The following CILK1 variants were observed in gnomAD, a reference collection of about 807,000 sequenced individuals.
CILK1 encodes the protein serine/threonine-protein kinase ICK.
In CILK1, 47 loss-of-function variants were observed where a neutral mutation model predicts 79.2. That is an observed-to-expected ratio of 0.59 (90% CI 0.47 to 0.76). The LOEUF (loss-of-function observed/expected upper bound fraction) is 0.76. Ranked by LOEUF, CILK1 falls within the 30% of genes least tolerant of loss-of-function variation. CILK1 has a pLI of 0.00. For missense variants in CILK1, 660 were observed against 769.5 expected (o/e 0.86, Z 1.68); for synonymous variants, 266 against 275.9 (o/e 0.96, Z 0.36).
intron 11 of CILK1, 126 bp downstream of exon 11, chr6:53,011,643 T>G: frequency 1.1e-6 from 1 of 923,170 alleles, no homozygotes; most frequent in Non-Finnish European, 1.8e-6. Flanking sequence ...TTCTATGATG[T>G]TCCCCTCAGT....
intron 1 of CILK1, among the ~76,000 whole-genome samples, chr6:53,056,295 C>A (rs573738668): frequency 6.6e-6 from 1 of 152,142 alleles, no homozygotes; most frequent in Non-Finnish European, 1.5e-5. Context: ...GAAGTAAAGG[C>A]TTAATGTAAA....
At position 53,019,240 on chromosome 6, in the gene CILK1, C is replaced by T. The variant is rs1282719495; in HGVS notation, c.478G>A (p.Val160Ile). Residue 160 changes from valine to isoleucine, a missense_variant, in exon 6 of 14, where the codon GTA becomes ATA. By Grantham distance (29) the Val-to-Ile change is conservative. Coordinates refer to ENST00000676107, the MANE Select transcript of CILK1 (RefSeq NM_014920.5). ...IRSKPPYTDY[V>I]STRWYRAPEV... ...AATGGTATTCACCATCTGGTAGATA[C>T]ATAATCTGTATATGGAGGTTTTGAT... is the stretch of plus-strand genomic sequence containing the variant. 3 of 1,613,708 alleles carry T rather than the reference C, an allele frequency of 1.9e-6. No homozygotes were observed. In the African/African-American group the frequency reaches 4.0e-5, roughly 22 times the overall value.
chr6:53,026,466 A>C (rs1765588638), intron 5 of CILK1, among the ~76,000 whole-genome samples: 1 of 152,172 alleles, frequency 6.6e-6, no homozygotes, highest in Non-Finnish European at 1.5e-5. Flanking sequence ...CTTTTTGAGC[A>C]GTGCTTGCAC....
At chr6:53,013,538 G>C in intron 9 of CILK1, 124 bp downstream of exon 9, 1 of 921,480 alleles carries the variant, frequency 1.1e-6, no homozygotes, top group East Asian at 2.4e-5. Context: ...ATTCCATGCT[G>C]TTGCAAACAT....
chr6:53,031,901 T>G (rs922246752), intron 4 of CILK1, among the ~76,000 whole-genome samples: 1 of 152,204 alleles, frequency 6.6e-6, no homozygotes, highest in Non-Finnish European at 1.5e-5. Context: ...TGGTGCGATG[T>G]CCGCTCACCC....
chr6:53,042,314 C>G (rs983846936), intron 1 of CILK1, among the ~76,000 whole-genome samples: 1 of 152,198 alleles, frequency 6.6e-6, no homozygotes, highest in Non-Finnish European at 1.5e-5. Flanking sequence ...ACTAACCATT[C>G]TGGGCAAACA....
intron 1 of CILK1, among the ~76,000 whole-genome samples, chr6:53,049,331 T>C (rs1027636356): frequency 6.6e-6 from 1 of 152,238 alleles, no homozygotes; most frequent in Admixed American, 6.5e-5. Context: ...ATGGTTAGCA[T>C]AGTTTTGAAG....
rs1344151929 is a variant in CILK1, at chr6:53,009,500, A to C, written c.1560T>G (p.Ser520=). The change falls in exon 12 of 14, where the codon TCT becomes TCG. Residue 520 remains serine, a synonymous_variant. Transcript: ENST00000676107. The part of the protein sequence containing the change: ...GKEFIPPNPW[S]SSGLSGKSSG... The stretch of plus-strand genomic sequence containing the variant: ...AAGATTTTCCAGACAAGCCAGAACT[A>C]GACCATGGATTAGGTGGAATAAATT... The C allele has an allele frequency of 1.9e-6, 3 of 1,612,866 alleles. No homozygotes were observed. The highest frequency in any genetic ancestry group is 1.3e-5 in the African/African-American group (1 of 75,054).
At chr6:53,040,551 G>A (rs1025693614) in intron 2 of CILK1, among the ~76,000 whole-genome samples, 1 of 152,212 alleles carries the variant, frequency 6.6e-6, no homozygotes, top group Admixed American at 6.5e-5. Context: ...TGAGACCCCA[G>A]CTTTGGCCAA....
intron 5 of CILK1, among the ~76,000 whole-genome samples, chr6:53,029,902 C>T (rs140423128): frequency 2.4e-4 from 37 of 152,292 alleles, no homozygotes; most frequent in Non-Finnish European, 4.7e-4. Flanking sequence ...CTGTATATTA[C>T]AATGACCTCA....
rs999368731 is a variant in CILK1 at position 53,001,606 on chromosome 6, A to C, written c.*3543T>G. On this transcript the variant is annotated 3_prime_UTR_variant, in exon 14 of 14. Transcript: ENST00000676107. ...CACATTAGCACAGTGTCTATGAGAA[A>C]TTGATAATACAGATTAATGTGATAT... 1 of 152,650 alleles carries C rather than the reference A, an allele frequency of 6.6e-6. No individual in the cohort carries two copies. Among genetic ancestry groups the C allele is most frequent in the Non-Finnish European group, 1.5e-5 (1 of 68,048 alleles). The allele number at this position is 152,650 out of a possible 1,614,324, so 9.5% of individuals were successfully genotyped here. A position where few individuals can be genotyped will look rare whatever the true frequency, so the allele number is the denominator to read the frequency against.
chr6:53,013,195 C>T (rs1764680461), intron 9 of CILK1, among the ~76,000 whole-genome samples: 1 of 152,204 alleles, frequency 6.6e-6, no homozygotes, highest in Non-Finnish European at 1.5e-5. Flanking sequence ...ATAACAATTA[C>T]TGACCTTTAC....
At chr6:53,057,429 T>G (rs372716832) in intron 1 of CILK1, among the ~76,000 whole-genome samples, 1 of 152,156 alleles carries the variant, frequency 6.6e-6, no homozygotes, top group South Asian at 2.1e-4. Context: ...ATTGTGGCCC[T>G]TTCATTTCAA....
intron 1 of CILK1, among the ~76,000 whole-genome samples, chr6:53,042,343 C>T (rs939390529): frequency 3.3e-5 from 5 of 152,108 alleles, no homozygotes; most frequent in African/African-American, 7.2e-5. Context: ...TAACTGTGGT[C>T]GATGAAAATT....
intron 5 of CILK1, among the ~76,000 whole-genome samples, chr6:53,020,468 C>G (rs1220397146): frequency 1.3e-5 from 2 of 152,180 alleles, no homozygotes; most frequent in African/African-American, 4.8e-5. Context: ...TGAGTATTCC[C>G]TACTCTGAAA....
intron 1 of CILK1, among the ~76,000 whole-genome samples, chr6:53,043,370 G>A (rs1457908750): frequency 6.6e-6 from 1 of 151,800 alleles, no homozygotes; most frequent in Non-Finnish European, 1.5e-5. Context: ...TCCAGACTGT[G>A]TTCTCCTGAA....
intron 5 of CILK1, among the ~76,000 whole-genome samples, chr6:53,029,162 C>T (rs563834227): frequency 3.2e-4 from 49 of 152,178 alleles, no homozygotes; most frequent in Non-Finnish European, 8.8e-5. Context: ...TATGACTGGT[C>T]TCTATCTGAA....
At position 53,011,927 on chromosome 6, in the gene CILK1, G is replaced by A; in HGVS notation, c.1344-10C>T. The A allele has an allele frequency of 6.2e-7, 1 of 1,614,172 alleles. No homozygotes were observed. Among genetic ancestry groups the A allele is most frequent in the Admixed American group, 1.7e-5 (1 of 60,024 alleles). On this transcript the variant is annotated splice_polypyrimidine_tract_variant and intron_variant, in intron 10 of 13. Coordinates refer to ENST00000676107, the MANE Select transcript of CILK1 (RefSeq NM_014920.5). ...CAAAACACTCTCAAACCTGAATGAAGAGAGCATGGCTTGGGTCAGCACGAG... is the reference window on the plus strand; with the variant it reads ...CAAAACACTCTCAAACCTGAATGAAAAGAGCATGGCTTGGGTCAGCACGAG...
intron 3 of CILK1, among the ~76,000 whole-genome samples, chr6:53,034,630 A>T (rs938927663): frequency 2.8e-4 from 43 of 152,178 alleles, no homozygotes; most frequent in African/African-American, 1.0e-3. Flanking sequence ...CTAACTATTA[A>T]AACAACAATG....
Sources: gnomAD v4.1 joint callset for allele counts (sites outside exome capture counted in the v4.1 genomes callset) on GRCh38, gnomAD v4.1.1 for gene constraint, MANE v1.5 for transcripts, NCBI Gene and HGNC (gene_info 2026-07-23, HGNC 2026-07-21) for gene names.